LNX1: variants seen among roughly 807,000 people sequenced by gnomAD.
LNX1 encodes the protein E3 ubiquitin-protein ligase LNX.
A neutral mutation model predicts 68.4 loss-of-function variants in LNX1; 54 were observed. The ratio of observed to expected loss-of-function variants is 0.79; its 90% confidence interval spans 0.63 to 0.99. The LOEUF (loss-of-function observed/expected upper bound fraction) is 0.99. Ranked by LOEUF, LNX1 falls within the 50% of genes least tolerant of loss-of-function variation. The pLI is 0.00. For synonymous variants in LNX1, 336 were observed against 350.0 expected (o/e 0.96, Z 0.45); for missense variants, 906 against 926.4 (o/e 0.98, Z 0.29).
intron 2 of LNX1, among the ~76,000 whole-genome samples, chr4:53,564,240 T>A (rs368480816): frequency 6.6e-6 from 1 of 152,182 alleles, no homozygotes; most frequent in Admixed American, 6.5e-5. Context: ...TAAGGGTGAA[T>A]GAAATTCCCA....
intron 6 of LNX1, among the ~76,000 whole-genome samples, chr4:53,488,502 G>C (rs999432277): frequency 2.6e-5 from 4 of 152,330 alleles, no homozygotes; most frequent in African/African-American, 4.8e-5. Context: ...ATGCAGAATA[G>C]AACCCAGAAG....
chr4:53,639,987 G>A (rs1316224386), intron 1 of LNX1, among the ~76,000 whole-genome samples: 1 of 151,980 alleles, frequency 6.6e-6, no homozygotes, highest in Non-Finnish European at 1.5e-5. Flanking sequence ...AGCTGAGACT[G>A]CACCACTGAA....
chr4:53,516,711 A>G (rs1010257820), intron 2 of LNX1, among the ~76,000 whole-genome samples: 4 of 152,296 alleles, frequency 2.6e-5, no homozygotes, highest in African/African-American at 9.6e-5. Flanking sequence ...GAGATCCAAG[A>G]GGAGCAACAT....
chr4:53,647,698 A>G (rs1202612760), intron 1 of LNX1, among the ~76,000 whole-genome samples: 1 of 152,248 alleles, frequency 6.6e-6, no homozygotes, highest in African/African-American at 2.4e-5. Context: ...TTGCATAACC[A>G]TCACCACCAT....
At chr4:53,646,864 T>G (rs1393582139) in intron 1 of LNX1, among the ~76,000 whole-genome samples, 1 of 152,236 alleles carries the variant, frequency 6.6e-6, no homozygotes, top group Admixed American at 6.5e-5. Context: ...TTCACTATTA[T>G]TTCATTATTG....
intron 10 of LNX1, among the ~76,000 whole-genome samples, 169 bp downstream of exon 10, chr4:53,461,266 C>T (rs954359056): frequency 1.3e-5 from 2 of 151,962 alleles, no homozygotes; most frequent in African/African-American, 4.8e-5. Context: ...TAGTATGGGA[C>T]CAAGAATATG....
intron 2 of LNX1, among the ~76,000 whole-genome samples, chr4:53,559,707 T>A (rs955514214): frequency 1.3e-5 from 2 of 151,780 alleles, no homozygotes. Flanking sequence ...TAGTGCTGTG[T>A]CACAATTATA....
In LNX1 at chr4:53,633,408, A is replaced by G. The variant is rs115740006; in HGVS notation, c.-215+18760T>C. Among the ~76,000 whole-genome samples, 471 of 152,186 alleles carry G rather than the reference A, an allele frequency of 3.1e-3. 1 individual carries two copies. The highest frequency in any genetic ancestry group is 6.8e-3 in the Middle Eastern group (2 of 294). ...CTTCCTCATATTATTGCTTCTTCCC[A>G]GGATTTCTTCATCTCATTTTTTACA... On this transcript the variant is annotated intron_variant, in intron 1 of 2. Coordinates refer to the LNX1 transcript ENST00000507168.
intron 4 of LNX1, among the ~76,000 whole-genome samples, chr4:53,504,549 T>C (rs746075157): frequency 5.2e-4 from 79 of 152,270 alleles, no homozygotes; most frequent in Non-Finnish European, 8.2e-4. Context: ...TCACTGGAAG[T>C]AGCACTTTTA....
At chr4:53,613,704 A>G (rs191615199) in intron 2 of LNX1, among the ~76,000 whole-genome samples, 34 of 152,216 alleles carry the variant, frequency 2.2e-4, no homozygotes, top group Non-Finnish European at 4.6e-4. Flanking sequence ...TATCCAGTCT[A>G]TGATTGATGG....
At chr4:53,549,998 G>A (rs1729391528) in intron 2 of LNX1, among the ~76,000 whole-genome samples, 2 of 152,130 alleles carry the variant, frequency 1.3e-5, no homozygotes. Flanking sequence ...AGAACACTTT[G>A]GACCAGGGAG....
At chr4:53,546,835 C>A (rs1729148577) in intron 2 of LNX1, among the ~76,000 whole-genome samples, 1 of 152,120 alleles carries the variant, frequency 6.6e-6, no homozygotes, top group African/African-American at 2.4e-5. Flanking sequence ...GAGTCGGGGG[C>A]AGAGTCAAGA....
At chr4:53,515,535 A>G (rs1726708882) in intron 2 of LNX1, among the ~76,000 whole-genome samples, 1 of 151,828 alleles carries the variant, frequency 6.6e-6, no homozygotes. Context: ...AAAAAATGAC[A>G]AGAAGACCGA....
chr4:53,512,351 A>G (rs1417190529), intron 2 of LNX1, among the ~76,000 whole-genome samples: 6 of 144,822 alleles, frequency 4.1e-5, no homozygotes, highest in Non-Finnish European at 4.5e-5. Context: ...CTAGCTCCAG[A>G]GATGGCACAT....
chr4:53,509,803 G>A (rs956127656), intron 2 of LNX1, among the ~76,000 whole-genome samples: 4 of 152,150 alleles, frequency 2.6e-5, no homozygotes, highest in Admixed American at 2.6e-4. Context: ...TGAAGTTTCT[G>A]TTGCCAGGTG....
At chr4:53,584,463 T>C (rs17083100) in intron 1 of LNX1, among the ~76,000 whole-genome samples, 2,101 of 152,208 alleles carry the variant, frequency 0.014, 60 homozygotes, top group African/African-American at 0.048. Flanking sequence ...ACAGGAGCCA[T>C]GGACAAGCTT....
At chr4:53,477,543 A>C (rs1413613806) in intron 8 of LNX1, among the ~76,000 whole-genome samples, 4 of 152,232 alleles carry the variant, frequency 2.6e-5, no homozygotes, top group African/African-American at 9.6e-5. Flanking sequence ...TATGTGCAGG[A>C]TCATTTCCAT....
At chr4:53,636,262 C>G (rs2668528) in intron 1 of LNX1, among the ~76,000 whole-genome samples, 1 of 139,244 alleles carries the variant, frequency 7.2e-6, no homozygotes, top group East Asian at 2.2e-4. Context: ...TTGCCTCGGT[C>G]GAGCAAAAAC....
intron 6 of LNX1, among the ~76,000 whole-genome samples, chr4:53,484,000 A>C (rs1214327080): frequency 6.6e-6 from 1 of 152,096 alleles, no homozygotes; most frequent in African/African-American, 2.4e-5. Context: ...TCCTAAGGGG[A>C]TTACAGCCCT....
Sources: allele counts gnomAD v4.1 joint callset (sites outside exome capture counted in the v4.1 genomes callset), GRCh38; gene constraint gnomAD v4.1.1; transcripts MANE v1.5; gene names NCBI Gene and HGNC (gene_info 2026-07-23, HGNC 2026-07-21).